The following SPOCK1 variants were observed in gnomAD, a reference collection of about 807,000 sequenced individuals.
SPOCK1 encodes the protein SPARC (osteonectin), cwcv and kazal like domains proteoglycan 1, also known as testican-1.
Under a neutral mutation model 55.3 loss-of-function variants are expected in SPOCK1, and 23 were observed. The ratio of observed to expected loss-of-function variants is 0.42; its 90% confidence interval spans 0.30 to 0.59. SPOCK1 has a LOEUF of 0.59. SPOCK1 is among the 20% of genes least tolerant of loss of function. The probability of loss-of-function intolerance (pLI) is 0.22; values close to 1 mark genes in which losing one functional copy is unlikely to be tolerated. For synonymous variants in SPOCK1, 226 were observed against 221.0 expected (o/e 1.02, Z -0.20); for missense variants, 499 against 552.5 (o/e 0.90, Z 0.97).
chr5:137,382,992 C>T (rs1038140475), intron 2 of SPOCK1, among the ~76,000 whole-genome samples: 8 of 152,162 alleles, frequency 5.3e-5, no homozygotes, highest in Admixed American at 3.9e-4. Flanking sequence ...CGTAGAAGAG[C>T]CAGCACCAAG....
intron 4 of SPOCK1, among the ~76,000 whole-genome samples, chr5:137,120,385 C>T (rs1199630640): frequency 6.6e-6 from 1 of 152,204 alleles, no homozygotes; most frequent in African/African-American, 2.4e-5. Context: ...GGTATGCATG[C>T]AATTCCAAAA....
chr5:137,053,339 G>A (rs1291876017), intron 6 of SPOCK1, among the ~76,000 whole-genome samples: 2 of 151,802 alleles, frequency 1.3e-5, no homozygotes, highest in African/African-American at 4.8e-5. Context: ...CAGAAGTCTT[G>A]GAGTAAACCA....
intron 8 of SPOCK1, among the ~76,000 whole-genome samples, chr5:136,985,618 A>AG (rs1320467879): frequency 1.3e-5 from 2 of 152,102 alleles, no homozygotes; most frequent in African/African-American, 4.8e-5. Context: ...GTTTTCCTGT[A>AG]GGAAAGGATG....
intron 2 of SPOCK1, among the ~76,000 whole-genome samples, chr5:137,464,486 T>C (rs1753558569): frequency 6.6e-6 from 1 of 151,316 alleles, no homozygotes; most frequent in Admixed American, 6.6e-5. Context: ...ATGGAAAAGA[T>C]AGTGTGGCAA....
At chr5:137,284,158 G>C (rs1284093723) in intron 2 of SPOCK1, among the ~76,000 whole-genome samples, 2 of 152,174 alleles carry the variant, frequency 1.3e-5, no homozygotes, top group Non-Finnish European at 2.9e-5. Flanking sequence ...GTGACACCAG[G>C]CAGGAAACAC....
In SPOCK1 at chr5:137,206,736, A is replaced by G. The variant is rs1334679787; in HGVS notation, c.232+60274T>C. 2.6e-5 allele frequency among the ~76,000 whole-genome samples: 4 copies of G among 152,358 alleles called. No individual in the cohort carries two copies. In the South Asian group the frequency reaches 8.3e-4, roughly 32 times the overall value. On this transcript the variant is annotated intron_variant, in intron 3 of 10. Coordinates refer to ENST00000394945, the MANE Select transcript of SPOCK1 (RefSeq NM_004598.4). ...TTCAAACAGGAGAAACTTCACATAA[A>G]TATCATCATAGCTGACATTTATTAA...
intron 2 of SPOCK1, among the ~76,000 whole-genome samples, chr5:137,330,252 T>C (rs1215239113): frequency 6.6e-6 from 1 of 152,164 alleles, no homozygotes; most frequent in Non-Finnish European, 1.5e-5. Flanking sequence ...GGATGGAAAC[T>C]ATAATTGCAA....
intron 3 of SPOCK1, among the ~76,000 whole-genome samples, chr5:137,189,913 A>C (rs1755145935): frequency 6.6e-6 from 1 of 151,940 alleles, no homozygotes; most frequent in African/African-American, 2.4e-5. Context: ...CTCATGGGCG[A>C]CTTTGAGGGG....
At chr5:137,325,576 T>A (rs1016663093) in intron 2 of SPOCK1, among the ~76,000 whole-genome samples, 2 of 152,208 alleles carry the variant, frequency 1.3e-5, no homozygotes, top group Non-Finnish European at 2.9e-5. Context: ...TTTAATTATA[T>A]CACTCAATGA....
Position 137,287,496 on chromosome 5 carries a change from G to A in SPOCK1, c.187-20441C>T, listed in dbSNP as rs187316401. Among the ~76,000 whole-genome samples, 83 of 152,224 alleles carry A rather than the reference G, an allele frequency of 5.5e-4. No individual in the cohort carries two copies. The East Asian group carries it at 0.012, about 21-fold the overall frequency. Reference sequence around the variant, plus strand: ...AACTGGAAAAAATATACTCAGAATCGTCTCCCTGAGATTGCAGAGGGCAAA... The same window carrying A: ...AACTGGAAAAAATATACTCAGAATCATCTCCCTGAGATTGCAGAGGGCAAA... On this transcript the variant is annotated intron_variant, in intron 2 of 10. Transcript: ENST00000394945.
chr5:137,083,102 C>T (rs1185634741), intron 5 of SPOCK1, among the ~76,000 whole-genome samples: 1 of 152,206 alleles, frequency 6.6e-6, no homozygotes, highest in Non-Finnish European at 1.5e-5. Context: ...GTGCCTGTTG[C>T]AATATGTGTG....
chr5:137,318,535 C>G (rs1026324098), intron 2 of SPOCK1, among the ~76,000 whole-genome samples: 1 of 152,114 alleles, frequency 6.6e-6, no homozygotes, highest in Non-Finnish European at 1.5e-5. Context: ...TAAGAGTGCT[C>G]GAGATTCCTC....
intron 3 of SPOCK1, among the ~76,000 whole-genome samples, chr5:137,238,950 A>G (rs1244814550): frequency 6.6e-6 from 1 of 152,212 alleles, no homozygotes; most frequent in Non-Finnish European, 1.5e-5. Flanking sequence ...AAACCCTTAG[A>G]ATGTGAGTGA....
At chr5:137,469,774 A>G (rs1205405253) in intron 2 of SPOCK1, among the ~76,000 whole-genome samples, 1 of 152,158 alleles carries the variant, frequency 6.6e-6, no homozygotes, top group Non-Finnish European at 1.5e-5. Flanking sequence ...GACCTCCATC[A>G]TGGGGATGGA....
At chr5:137,448,957 T>C (rs1223867926) in intron 2 of SPOCK1, among the ~76,000 whole-genome samples, 1 of 152,192 alleles carries the variant, frequency 6.6e-6, no homozygotes, top group Admixed American at 6.5e-5. Flanking sequence ...TCCACGGAGT[T>C]GTCAGTGGGG....
At chr5:137,483,240 G>A (rs1459132524) in intron 2 of SPOCK1, among the ~76,000 whole-genome samples, 1 of 152,212 alleles carries the variant, frequency 6.6e-6, no homozygotes, top group African/African-American at 2.4e-5. Context: ...GGCTGGGATA[G>A]AAGAATCACT....
At chr5:137,039,599 C>T (rs1162104999) in intron 6 of SPOCK1, among the ~76,000 whole-genome samples, 1 of 152,232 alleles carries the variant, frequency 6.6e-6, no homozygotes, top group Non-Finnish European at 1.5e-5. Flanking sequence ...ATCCATGCAA[C>T]AGGTCCCACG....
chr5:137,498,569 G>A lies in SPOCK1; in HGVS notation c.1-11C>T. On this transcript the variant is annotated splice_polypyrimidine_tract_variant and intron_variant, in intron 1 of 10. Coordinates refer to ENST00000394945, the MANE Select transcript of SPOCK1 (RefSeq NM_004598.4). ...CGCGATCGCCGGCATCTGCGGGGCA[G>A]GGCGCGCAGGGCGATGAGCGAAGAG... The A allele has an allele frequency of 3.4e-6, 5 of 1,458,902 alleles. No homozygotes were observed. Among genetic ancestry groups the A allele is most frequent in the Non-Finnish European group, 4.5e-6 (5 of 1,114,264 alleles). The allele number at this position is 1,458,902 out of a possible 1,614,324, so 90.4% of individuals were successfully genotyped here.
chr5:137,183,868 A>G (rs1213389860), intron 3 of SPOCK1, among the ~76,000 whole-genome samples: 1 of 152,216 alleles, frequency 6.6e-6, no homozygotes, highest in African/African-American at 2.4e-5. Context: ...ATTCTTTCCC[A>G]GGAGGATGAC....
Sources: gnomAD v4.1 joint callset for allele counts (sites outside exome capture counted in the v4.1 genomes callset) on GRCh38, gnomAD v4.1.1 for gene constraint, MANE v1.5 for transcripts, NCBI Gene and HGNC (gene_info 2026-07-23, HGNC 2026-07-21) for gene names.